EDN1: variants seen among roughly 807,000 people sequenced by gnomAD.
The protein encoded by EDN1 is endothelin 1.
A neutral mutation model predicts 21.7 loss-of-function variants in EDN1; 11 were observed. The ratio of observed to expected loss-of-function variants is 0.51; its 90% CI spans 0.32 to 0.84. EDN1 has a LOEUF of 0.84. Ranked by LOEUF, EDN1 falls within the 40% of genes least tolerant of loss-of-function variation. EDN1 has a pLI of 0.03. For synonymous variants in EDN1, 85 were observed against 90.6 expected (o/e 0.94, Z 0.35); for missense variants, 244 against 262.3 (o/e 0.93, Z 0.48).
At chr6:12,272,577 C>A in the EDN1 span, among the ~76,000 whole-genome samples, 384 of 151,484 alleles carry the variant, frequency 2.5e-3, no homozygotes, top group African/African-American at 8.7e-3. Flanking sequence ...CCTACCTCAG[C>A]CTCCGGAGTA....
At chr6:12,290,728 T>A in intron 1 of EDN1, 35 bp downstream of exon 1, 1 of 1,572,340 alleles carries the variant, frequency 6.4e-7, no homozygotes, top group Non-Finnish European at 8.8e-7. Context: ...GTCTCGGAAT[T>A]ACAAGTTAGT....
At chr6:12,244,667 GTATT>G in the EDN1 span, among the ~76,000 whole-genome samples, 1 of 152,160 alleles carries the variant, frequency 6.6e-6, no homozygotes, top group African/African-American at 2.4e-5. Flanking sequence ...AAGTGTGTAA[GTATT>G]AGAGTATACT....
At chr6:12,291,226 C>T (rs961360665) in intron 1 of EDN1, among the ~76,000 whole-genome samples, 12 of 105,354 alleles carry the variant, frequency 1.1e-4, no homozygotes, top group East Asian at 3.6e-4. Flanking sequence ...CTCCCCCCCC[C>T]CCCGCCACCA....
chr6:12,288,312 G>A (rs1163005750), upstream of EDN1, among the ~76,000 whole-genome samples: 1 of 152,030 alleles, frequency 6.6e-6, no homozygotes. Context: ...CGGGAGTGTT[G>A]GGGGGGAGGC....
upstream of EDN1, among the ~76,000 whole-genome samples, chr6:12,286,697 G>A (rs1218895479): frequency 6.6e-6 from 1 of 152,218 alleles, no homozygotes; most frequent in African/African-American, 2.4e-5. Flanking sequence ...TTGCTACTGT[G>A]TAGTATCTGT....
At chr6:12,242,277 T>C in the EDN1 span, among the ~76,000 whole-genome samples, 2 of 152,048 alleles carry the variant, frequency 1.3e-5, no homozygotes, top group Non-Finnish European at 2.9e-5. Context: ...ATGAGAATGG[T>C]CATGCTGAAA....
chr6:12,292,578 G>C, intron 2 of EDN1, 69 bp downstream of exon 2: 4 of 1,588,108 alleles, frequency 2.5e-6, no homozygotes, highest in Non-Finnish European at 2.6e-6. Flanking sequence ...CCCAGTTTTA[G>C]AGTTTCTTTT....
At chr6:12,243,196 A>T in the EDN1 span, among the ~76,000 whole-genome samples, 73 of 152,298 alleles carry the variant, frequency 4.8e-4, no homozygotes, top group African/African-American at 1.7e-3. Context: ...TATTTAAAAA[A>T]TCATAAAGAA....
At position 12,296,442 on chromosome 6, in the gene EDN1, C is replaced by T. The variant is rs956294314; in HGVS notation, c.*375C>T. 8.0e-5 allele frequency: 14 copies of T among 174,676 alleles called. No homozygotes were observed. Among genetic ancestry groups the T allele is most frequent in the Admixed American group, 2.8e-4 (5 of 17,746 alleles). 10.8% of individuals were successfully genotyped at this position (174,676 alleles called of 1,614,324 possible). Reference sequence around the variant, plus strand: ...AGGGAGTGTTTGTGTCTGACTCAGGCGCCTGGCACATTTCAGGGAGAAACT... The same window carrying T: ...AGGGAGTGTTTGTGTCTGACTCAGGTGCCTGGCACATTTCAGGGAGAAACT... On this transcript the variant is annotated 3_prime_UTR_variant, in exon 5 of 5. Coordinates refer to ENST00000379375, the MANE Select transcript of EDN1 (RefSeq NM_001955.5).
At chr6:12,272,452 C>CTTTTT in the EDN1 span, among the ~76,000 whole-genome samples, 4 of 106,810 alleles carry the variant, frequency 3.7e-5, no homozygotes, top group Non-Finnish European at 7.4e-5. Flanking sequence ...GAGTCATACT[C>CTTTTT]TTTTTTTTTT....
the EDN1 span, among the ~76,000 whole-genome samples, chr6:12,269,493 C>T: frequency 6.6e-6 from 1 of 151,846 alleles, no homozygotes; most frequent in Admixed American, 6.6e-5. Flanking sequence ...GTGTTGAGGT[C>T]TGTTATTTCT....
the EDN1 span, among the ~76,000 whole-genome samples, chr6:12,256,984 A>C: frequency 6.6e-6 from 1 of 152,332 alleles, no homozygotes; most frequent in Admixed American, 6.5e-5. Flanking sequence ...AGGAGGTAAA[A>C]CTAAAATCAT....
chr6:12,260,752 TG>T, the EDN1 span, among the ~76,000 whole-genome samples: 1 of 152,216 alleles, frequency 6.6e-6, no homozygotes, highest in Non-Finnish European at 1.5e-5. Context: ...TTTATCATAT[TG>T]TTTTTTTCAA....
At chr6:12,288,644 T>C (rs535525406), upstream of EDN1, among the ~76,000 whole-genome samples, 25 of 152,238 alleles carry the variant, frequency 1.6e-4, 1 homozygote, top group South Asian at 5.0e-3. Flanking sequence ...GTGGCTCTTT[T>C]AGAGGATGCA....
chr6:12,246,416 C>G, the EDN1 span, among the ~76,000 whole-genome samples: 1 of 152,178 alleles, frequency 6.6e-6, no homozygotes, highest in Non-Finnish European at 1.5e-5. Context: ...TTTTCCCAGA[C>G]AGCAATTTGC....
chr6:12,245,048 TTAGTG>T, the EDN1 span, among the ~76,000 whole-genome samples: 1 of 152,212 alleles, frequency 6.6e-6, no homozygotes, highest in East Asian at 1.9e-4. Context: ...CCCATAATTA[TTAGTG>T]TAAAGAAGTC....
the EDN1 span, among the ~76,000 whole-genome samples, chr6:12,261,696 A>C: frequency 6.6e-6 from 1 of 152,324 alleles, no homozygotes; most frequent in South Asian, 2.1e-4. Context: ...TATGAGGGGA[A>C]TTACGTCATC....
At chr6:12,285,280 G>A in the EDN1 span, among the ~76,000 whole-genome samples, 1 of 152,302 alleles carries the variant, frequency 6.6e-6, no homozygotes, top group South Asian at 2.1e-4. Context: ...CAGCACTGGA[G>A]CAAGAAGCCA....
chr6:12,281,048 A>G, the EDN1 span, among the ~76,000 whole-genome samples: 24 of 152,344 alleles, frequency 1.6e-4, no homozygotes, highest in East Asian at 4.0e-3. Flanking sequence ...TTCATAGCTC[A>G]AGTCTGGCAA....
Sources: gnomAD v4.1 joint callset for allele counts (sites outside exome capture counted in the v4.1 genomes callset) on GRCh38, gnomAD v4.1.1 for gene constraint, MANE v1.5 for transcripts, NCBI Gene and HGNC (gene_info 2026-07-23, HGNC 2026-07-21) for gene names.